Variants in TRABD2B observed in about 807,000 individuals in gnomAD.
TRABD2B encodes metalloprotease TIKI2.
A neutral mutation model predicts 40.1 loss-of-function variants in TRABD2B; 14 were observed. The ratio of observed to expected loss-of-function variants is 0.35; its 90% confidence interval spans 0.23 to 0.55. TRABD2B has a LOEUF of 0.55. Among genes scored for constraint, TRABD2B ranks in the 20% least tolerant of loss-of-function variants. The probability of loss-of-function intolerance (pLI) is 0.90; values close to 1 mark genes in which losing one functional copy is unlikely to be tolerated. For synonymous variants in TRABD2B, 263 were observed against 277.0 expected (o/e 0.95, Z 0.50); for missense variants, 541 against 648.6 (o/e 0.83, Z 1.80).
chr1:47,954,198 C>G (rs1645385978), intron 2 of TRABD2B, among the ~76,000 whole-genome samples: 1 of 152,132 alleles, frequency 6.6e-6, no homozygotes. Context: ...TTCCTGGCAG[C>G]TGGAAGTGTG....
Position 47,997,190 on chromosome 1 carries a change from C to G in TRABD2B, c.-401G>C. ...GGGGTTATGCTGGGCACCCGGGGCA[C>G]GCAAGGGTCCCAGGGGTGCGCGGCG... On this transcript the variant is annotated 5_prime_UTR_variant, in exon 1 of 7. Coordinates refer to ENST00000606738, the MANE Select transcript of TRABD2B (RefSeq NM_001194986.2). 1 of 982,972 alleles carries G rather than the reference C, an allele frequency of 1.0e-6. No homozygotes were observed. The highest frequency in any genetic ancestry group is 1.2e-6 in the Non-Finnish European group (1 of 829,082). The allele number at this position is 982,972 out of a possible 1,614,324, so 60.9% of individuals were successfully genotyped here.
At chr1:47,868,848 A>G (rs1382697722) in intron 2 of TRABD2B, among the ~76,000 whole-genome samples, 1 of 152,168 alleles carries the variant, frequency 6.6e-6, no homozygotes, top group Non-Finnish European at 1.5e-5. Flanking sequence ...TGTAGACTTC[A>G]TCTTCCCCAG....
intron 4 of TRABD2B, among the ~76,000 whole-genome samples, chr1:47,792,840 C>T (rs1220093655): frequency 6.6e-6 from 1 of 152,042 alleles, no homozygotes; most frequent in Non-Finnish European, 1.5e-5. Context: ...TGGGGGCTCC[C>T]CTTAGGCCTG....
intron 2 of TRABD2B, among the ~76,000 whole-genome samples, chr1:47,954,565 A>T (rs1645391366): frequency 6.6e-6 from 1 of 152,150 alleles, no homozygotes. Flanking sequence ...TGGGACAGGA[A>T]CTGCTGAGAG....
intron 2 of TRABD2B, among the ~76,000 whole-genome samples, chr1:47,857,438 T>G (rs1643904068): frequency 6.6e-6 from 1 of 152,106 alleles, no homozygotes; most frequent in Non-Finnish European, 1.5e-5. Context: ...CTTCTATGCC[T>G]CCTTCCAGGC....
intron 2 of TRABD2B, among the ~76,000 whole-genome samples, chr1:47,858,922 G>A: frequency 6.6e-6 from 1 of 152,116 alleles, no homozygotes; most frequent in East Asian, 1.9e-4. Context: ...TGGGAACCAT[G>A]GTGGCTTAGT....
chr1:47,783,388 C>T (rs1317287843), intron 4 of TRABD2B, among the ~76,000 whole-genome samples: 1 of 152,142 alleles, frequency 6.6e-6, no homozygotes. Flanking sequence ...AGACAAAAAG[C>T]GTGGTGGAGA....
intron 2 of TRABD2B, among the ~76,000 whole-genome samples, chr1:47,903,765 A>G (rs1197501531): frequency 1.3e-5 from 2 of 152,346 alleles, no homozygotes; most frequent in Admixed American, 6.5e-5. Context: ...TCTCATTACC[A>G]TAAATGAGAA....
intron 2 of TRABD2B, among the ~76,000 whole-genome samples, chr1:47,886,957 G>A (rs1208836110): frequency 6.6e-6 from 1 of 152,100 alleles, no homozygotes; most frequent in East Asian, 2.0e-4. Flanking sequence ...TGAGAACATG[G>A]AAGTGGGAGT....
At chr1:47,966,264 T>C (rs1342846855) in intron 2 of TRABD2B, among the ~76,000 whole-genome samples, 3 of 149,200 alleles carry the variant, frequency 2.0e-5, no homozygotes, top group African/African-American at 4.9e-5. Flanking sequence ...GAACCTCCAA[T>C]GTGACTCTGG....
intron 2 of TRABD2B, among the ~76,000 whole-genome samples, chr1:47,885,134 T>TA (rs1229826314): frequency 1.3e-5 from 2 of 152,200 alleles, no homozygotes; most frequent in East Asian, 3.9e-4. Flanking sequence ...TAACCCCTAT[T>TA]AACCAAAATT....
chr1:47,819,701 G>C (rs899160286), intron 2 of TRABD2B: 7 of 152,204 alleles, frequency 4.6e-5, no homozygotes, highest in Admixed American at 6.5e-5. Flanking sequence ...CCACTTGAGA[G>C]AACAAGGGCA....
At chr1:47,772,691 G>A (rs1006484175) in intron 6 of TRABD2B, among the ~76,000 whole-genome samples, 53 of 152,162 alleles carry the variant, frequency 3.5e-4, no homozygotes, top group African/African-American at 1.2e-3. Flanking sequence ...GTCACCCCCA[G>A]AGAGCTCTCA....
At chr1:47,781,406 G>C (rs150536341) in intron 4 of TRABD2B, among the ~76,000 whole-genome samples, 1 of 152,166 alleles carries the variant, frequency 6.6e-6, no homozygotes, top group Non-Finnish European at 1.5e-5. Flanking sequence ...TTCTGGGACT[G>C]AGTAGAGGAG....
intron 2 of TRABD2B, among the ~76,000 whole-genome samples, chr1:47,889,756 C>G (rs76432823): frequency 0.023 from 3,492 of 152,310 alleles, 105 homozygotes; most frequent in Admixed American, 0.089. Context: ...GGCATGAGAT[C>G]TAGAGCCAGG....
chr1:47,971,153 C>T (rs1346618132), intron 2 of TRABD2B, among the ~76,000 whole-genome samples: 1 of 152,184 alleles, frequency 6.6e-6, no homozygotes, highest in Non-Finnish European at 1.5e-5. Context: ...GGTACACATC[C>T]TACTTTCTGA....
intron 2 of TRABD2B, among the ~76,000 whole-genome samples, chr1:47,858,063 C>A (rs1643913214): frequency 6.6e-6 from 1 of 151,902 alleles, no homozygotes. Context: ...TATTGTTAAT[C>A]TCACTGTGCT....
chr1:47,776,474 C>G (rs1426291098), intron 5 of TRABD2B, among the ~76,000 whole-genome samples: 1 of 152,194 alleles, frequency 6.6e-6, no homozygotes, highest in African/African-American at 2.4e-5. Flanking sequence ...TGTTGGCCGA[C>G]AAGCAAATAG....
chr1:47,775,187 C>G lies in TRABD2B; in HGVS notation c.1332G>C (p.Trp444Cys). The G allele has an allele frequency of 8.1e-7, 1 of 1,237,466 alleles. No individual in the cohort carries two copies. The highest frequency in any genetic ancestry group is 1.0e-6 in the Non-Finnish European group (1 of 990,104). The allele number at this position is 1,237,466 out of a possible 1,614,324, so 76.7% of individuals were successfully genotyped here. The change falls in exon 6 of 7, where the codon TGG (tryptophan) becomes TGC (cysteine). Residue 444 changes from tryptophan to cysteine, a missense_variant. By Grantham distance (215) the Trp-to-Cys change is radical. Transcript: ENST00000606738. ...HQRPRQFNDL[W>C]VRIEDSTTAS... ...TGGCTCACCTGTCCTCGATGCGGAC[C>G]CAGAGGTCATTGAACTGCCGCGGCC...
Sources: gnomAD v4.1 joint callset for allele counts (sites outside exome capture counted in the v4.1 genomes callset) on GRCh38, gnomAD v4.1.1 for gene constraint, MANE v1.5 for transcripts, NCBI Gene and HGNC (gene_info 2026-07-23, HGNC 2026-07-21) for gene names.